Variants in ZNF609 observed in about 807,000 individuals in gnomAD.
The protein encoded by ZNF609 is zinc finger protein 609.
In ZNF609, 11 loss-of-function variants were observed where a neutral mutation model predicts 109.5. The observed-to-expected ratio is 0.10, with a 90% confidence interval of 0.06 to 0.17. The LOEUF (loss-of-function observed/expected upper bound fraction) is 0.17. ZNF609 is among the 10% of genes least tolerant of loss of function. The probability of loss-of-function intolerance (pLI) is 1.00; values close to 1 mark genes in which losing one functional copy is unlikely to be tolerated. For missense variants in ZNF609, 1,559 were observed against 1,772.4 expected (o/e 0.88, Z 2.16); for synonymous variants, 646 against 662.0 (o/e 0.98, Z 0.37).
Position 64,675,997 on chromosome 15 carries a change from C to A in ZNF609, c.3143C>A (p.Pro1048Gln). 6.2e-7 allele frequency: 1 copy of A among 1,614,204 alleles called. No individual in the cohort carries two copies. The highest frequency in any genetic ancestry group is 8.5e-7 in the Non-Finnish European group (1 of 1,180,030). The change falls in exon 5 of 10, where the codon CCA becomes CAA. Residue 1048 changes from proline to glutamine, a missense_variant. Pro to Gln is a moderately conservative substitution (Grantham distance 76, BLOSUM62 -1). Transcript: ENST00000326648. ...EEWKQKPSIP[P>Q]TLTKAPSLTD... ...TGGAAGCAAAAGCCGTCAATTCCACCAACTCTCACCAAGGCCCCCAGCCTG... is the reference window on the plus strand; with the variant it reads ...TGGAAGCAAAAGCCGTCAATTCCACAAACTCTCACCAAGGCCCCCAGCCTG...
chr15:64,667,117 C>T (rs1490853030), intron 3 of ZNF609, among the ~76,000 whole-genome samples: 1 of 151,660 alleles, frequency 6.6e-6, no homozygotes, highest in African/African-American at 2.4e-5. Context: ...GGCGACAGAG[C>T]GAGACTCTGT....
intron 2 of ZNF609, among the ~76,000 whole-genome samples, chr15:64,609,116 C>CTT (rs1452675521): frequency 4.3e-4 from 13 of 30,056 alleles, no homozygotes; most frequent in Non-Finnish European, 1.6e-3. Flanking sequence ...TTCTTTCTTT[C>CTT]TTTCTTTCTT....
intron 2 of ZNF609, among the ~76,000 whole-genome samples, chr15:64,578,297 C>G (rs1481531733): frequency 3.3e-5 from 5 of 151,886 alleles, no homozygotes; most frequent in Non-Finnish European, 7.4e-5. Flanking sequence ...CACTGCAGTC[C>G]TAAGTCTTGT....
chr15:64,675,282 A>G lies in ZNF609; in HGVS notation c.2428A>G (p.Ser810Gly). ...DNAPSPSIGG[S>G]SRLENTTPTQ... The stretch of plus-strand genomic sequence containing the variant: ...TGCCCCCAGCCCTTCCATTGGAGGC[A>G]GTAGCCGCCTTGAAAACACTACCCC... The change falls in exon 5 of 10, where the codon AGT becomes GGT. Residue 810 changes from serine to glycine, a missense_variant. Transcript: ENST00000326648. 1 of 1,614,132 alleles carries G rather than the reference A, an allele frequency of 6.2e-7. No homozygotes were observed. Among genetic ancestry groups the G allele is most frequent in the Non-Finnish European group, 8.5e-7 (1 of 1,180,042 alleles).
chr15:64,511,364 C>T (rs1217910881), intron 2 of ZNF609, among the ~76,000 whole-genome samples: 1 of 151,250 alleles, frequency 6.6e-6, no homozygotes, highest in Non-Finnish European at 1.5e-5. Flanking sequence ...GCCTGTAATC[C>T]CAGCTACTTG....
At chr15:64,624,614 A>T (rs1011732775) in intron 3 of ZNF609, among the ~76,000 whole-genome samples, 2 of 152,058 alleles carry the variant, frequency 1.3e-5, no homozygotes, top group Admixed American at 1.3e-4. Context: ...GAGGACAATG[A>T]ATACCTTTTT....
chr15:64,661,788 T>G (rs1186538987), intron 3 of ZNF609, among the ~76,000 whole-genome samples: 2 of 152,188 alleles, frequency 1.3e-5, no homozygotes, highest in African/African-American at 2.4e-5. Flanking sequence ...CTTCACTGTT[T>G]TTGTAACTTC....
At chr15:64,610,567 G>T (rs1480581004) in intron 2 of ZNF609, among the ~76,000 whole-genome samples, 10 of 152,148 alleles carry the variant, frequency 6.6e-5, no homozygotes, top group Non-Finnish European at 1.5e-4. Context: ...GAGGATCGTT[G>T]AGTCCAGGAG....
At chr15:64,613,692 A>C (rs1895752407) in intron 2 of ZNF609, among the ~76,000 whole-genome samples, 1 of 151,878 alleles carries the variant, frequency 6.6e-6, no homozygotes, top group Non-Finnish European at 1.5e-5. Context: ...CTGGGACTAC[A>C]GGGATGTGCC....
chr15:64,548,093 A>G (rs985341907), intron 2 of ZNF609, among the ~76,000 whole-genome samples: 56 of 152,216 alleles, frequency 3.7e-4, no homozygotes, highest in African/African-American at 1.3e-3. Context: ...CTAATTTGCA[A>G]GGAATTTTTT....
chr15:64,479,916 C>T (rs1893228262), intron 1 of ZNF609, among the ~76,000 whole-genome samples: 1 of 151,524 alleles, frequency 6.6e-6, no homozygotes, highest in Non-Finnish European at 1.5e-5. Context: ...GAGACTCTGT[C>T]TCAAATTTAA....
intron 2 of ZNF609, among the ~76,000 whole-genome samples, chr15:64,546,958 A>AT (rs1894375046): frequency 6.6e-6 from 1 of 150,894 alleles, no homozygotes; most frequent in African/African-American, 2.4e-5. Flanking sequence ...ACCTGGCTAA[A>AT]TTTTTGTATT....
Position 64,680,272 on chromosome 15 carries a change from C to T in ZNF609, c.3857C>T (p.Pro1286Leu). 6.2e-7 allele frequency: 1 copy of T among 1,614,222 alleles called. No homozygotes were observed. Among genetic ancestry groups the T allele is most frequent in the Non-Finnish European group, 8.5e-7 (1 of 1,180,044 alleles). ...GATGCTGACAAGGCACGAGCCAGCCCCAGTGTGACTTGTAAATCCAGCTCA... is the reference window on the plus strand; with the variant it reads ...GATGCTGACAAGGCACGAGCCAGCCTCAGTGTGACTTGTAAATCCAGCTCA... ...GEDADKARASPSVTCKSSSES... is the reference protein window; with the variant it reads ...GEDADKARASLSVTCKSSSES... Residue 1286 changes from proline to leucine, a missense_variant, in exon 7 of 10, where the codon CCC (proline) becomes CTC (leucine). Coordinates refer to ENST00000326648, the MANE Select transcript of ZNF609 (RefSeq NM_015042.2).
intron 2 of ZNF609, among the ~76,000 whole-genome samples, chr15:64,591,784 G>A (rs923361380): frequency 1.3e-5 from 2 of 151,448 alleles, no homozygotes; most frequent in Admixed American, 6.6e-5. Context: ...GCAGTGGCAC[G>A]ATCTCGACCT....
intron 2 of ZNF609, among the ~76,000 whole-genome samples, chr15:64,524,740 A>T (rs1193645325): frequency 2.0e-5 from 3 of 152,046 alleles, no homozygotes; most frequent in African/African-American, 7.2e-5. Context: ...TTTTTTCCTT[A>T]TTTTGACTGT....
chr15:64,526,372 A>G (rs1010551441), intron 2 of ZNF609, among the ~76,000 whole-genome samples: 1 of 151,966 alleles, frequency 6.6e-6, no homozygotes, highest in Non-Finnish European at 1.5e-5. Context: ...TTTTCTATAT[A>G]TGAGATCATG....
chr15:64,580,664 C>T (rs1272297040), intron 2 of ZNF609, among the ~76,000 whole-genome samples: 1 of 151,590 alleles, frequency 6.6e-6, no homozygotes. Flanking sequence ...GCCTCAGCCT[C>T]CCGAGTAACT....
At chr15:64,495,064 A>G (rs543054996) in intron 1 of ZNF609, among the ~76,000 whole-genome samples, 1 of 151,720 alleles carries the variant, frequency 6.6e-6, no homozygotes, top group South Asian at 2.1e-4. Context: ...AAAAAGTACA[A>G]TTTTTAAAAA....
intron 2 of ZNF609, among the ~76,000 whole-genome samples, chr15:64,516,953 A>G (rs865934218): frequency 6.6e-6 from 1 of 152,262 alleles, no homozygotes; most frequent in East Asian, 1.9e-4. Context: ...CCCTTATACT[A>G]TATCAATTTC....
Sources: gnomAD v4.1 joint callset for allele counts (sites outside exome capture counted in the v4.1 genomes callset) on GRCh38, gnomAD v4.1.1 for gene constraint, MANE v1.5 for transcripts, NCBI Gene and HGNC (gene_info 2026-07-23, HGNC 2026-07-21) for gene names.